LAMA2: variants seen among roughly 807,000 people sequenced by gnomAD.
LAMA2 encodes the protein laminin subunit alpha-2.
Under a neutral mutation model 364.8 loss-of-function variants are expected in LAMA2, and 269 were observed. The ratio of observed to expected loss-of-function variants is 0.74; its 90% CI spans 0.67 to 0.82. LAMA2 has a LOEUF of 0.82. Among genes scored for constraint, LAMA2 ranks in the 40% least tolerant of loss-of-function variants. The pLI is 0.00. For synonymous variants in LAMA2, 1,379 were observed against 1,370.6 expected, an observed-to-expected ratio of 1.01 and a Z score of -0.14; for missense variants, 3,807 against 3,873.2, an observed-to-expected ratio of 0.98 and a Z score of 0.45.
rs569129505 is a variant in LAMA2 at position 129,098,055 on chromosome 6, T to G, written c.397-118T>G. On this transcript the variant is annotated intron_variant, in intron 3 of 64. Transcript: ENST00000421865. ...AGTAAAATCATTTCAGAGAACATTA[T>G]AAGATTATAGAATAAAATCTGAAAT... The G allele has an allele frequency of 1.6e-4, 180 of 1,155,978 alleles. No individual in the cohort carries two copies. In the African/African-American group the frequency reaches 2.4e-3, roughly 15 times the overall value. The allele number at this position is 1,155,978 out of a possible 1,614,324, so 71.6% of individuals were successfully genotyped here.
At chr6:129,123,436 A>G (rs1013397533) in intron 4 of LAMA2, among the ~76,000 whole-genome samples, 1 of 152,126 alleles carries the variant, frequency 6.6e-6, no homozygotes, top group Non-Finnish European at 1.5e-5. Context: ...GCATTTCCGT[A>G]TTCATTTTAG....
chr6:128,970,163 A>T (rs1238629534), intron 1 of LAMA2, among the ~76,000 whole-genome samples: 3 of 152,210 alleles, frequency 2.0e-5, no homozygotes, highest in Non-Finnish European at 2.9e-5. Flanking sequence ...TTCTTATAAA[A>T]ATTGAAATTA....
chr6:129,081,639 A>T (rs1452890877), intron 3 of LAMA2, among the ~76,000 whole-genome samples: 2 of 152,160 alleles, frequency 1.3e-5, no homozygotes, highest in Non-Finnish European at 2.9e-5. Context: ...ATTTTGTCAA[A>T]ATCATTTCCA....
intron 10 of LAMA2, among the ~76,000 whole-genome samples, chr6:129,184,311 G>A (rs9492261): frequency 0.019 from 2,914 of 151,978 alleles, 112 homozygotes; most frequent in African/African-American, 0.066. Flanking sequence ...AATTACAGAT[G>A]TAGAATTTTT....
chr6:128,921,705 T>TG (rs1778735467), intron 1 of LAMA2, among the ~76,000 whole-genome samples: 2 of 126,472 alleles, frequency 1.6e-5, no homozygotes, highest in African/African-American at 5.8e-5. Flanking sequence ...CTGTTTTTTT[T>TG]TTTTTTTTAT....
At chr6:129,398,821 C>T (rs1373160122) in intron 37 of LAMA2, among the ~76,000 whole-genome samples, 1 of 152,152 alleles carries the variant, frequency 6.6e-6, no homozygotes, top group Non-Finnish European at 1.5e-5. Flanking sequence ...AACTCATCTA[C>T]ATACTAGAGA....
intron 1 of LAMA2, among the ~76,000 whole-genome samples, chr6:128,984,950 C>T (rs577922240): frequency 6.6e-5 from 10 of 152,182 alleles, no homozygotes; most frequent in Non-Finnish European, 1.2e-4. Context: ...CTTGCTCTTC[C>T]GTGTGGATTT....
chr6:128,919,276 A>G (rs73773557), intron 1 of LAMA2, among the ~76,000 whole-genome samples: 1,536 of 152,260 alleles, frequency 0.01, 31 homozygotes, highest in African/African-American at 0.035. Flanking sequence ...CTGTTCTCTC[A>G]ATATCAAGAG....
intron 2 of LAMA2, among the ~76,000 whole-genome samples, chr6:129,052,736 C>A (rs1788168840): frequency 6.6e-6 from 1 of 151,964 alleles, no homozygotes; most frequent in South Asian, 2.1e-4. Flanking sequence ...ATTAGAGTAT[C>A]ACGCAAAGTA....
chr6:129,504,480 G>A (rs1465256695), intron 60 of LAMA2, among the ~76,000 whole-genome samples: 1 of 152,100 alleles, frequency 6.6e-6, no homozygotes, highest in African/African-American at 2.4e-5. Flanking sequence ...CTCTAATCCT[G>A]ACCCAGACTC....
chr6:128,952,126 C>T (rs1359135463), intron 1 of LAMA2, among the ~76,000 whole-genome samples: 1 of 152,088 alleles, frequency 6.6e-6, no homozygotes, highest in East Asian at 1.9e-4. Context: ...ATGATCTTGC[C>T]ACTGTGCTCC....
chr6:129,232,235 T>G (rs1784710339), intron 12 of LAMA2, among the ~76,000 whole-genome samples: 1 of 152,124 alleles, frequency 6.6e-6, no homozygotes, highest in African/African-American at 2.4e-5. Context: ...ATTTTGGAGT[T>G]TAACTCTTAC....
chr6:128,997,259 T>A (rs1303148752), intron 1 of LAMA2, among the ~76,000 whole-genome samples: 1 of 149,510 alleles, frequency 6.7e-6, no homozygotes, highest in East Asian at 2.0e-4. Flanking sequence ...ATTTTGCACA[T>A]GTATCCCAGA....
At chr6:128,931,836 T>A (rs1779500798) in intron 1 of LAMA2, among the ~76,000 whole-genome samples, 1 of 152,236 alleles carries the variant, frequency 6.6e-6, no homozygotes, top group Non-Finnish European at 1.5e-5. Context: ...ACAGAATTGT[T>A]ACTTTTAAAC....
intron 1 of LAMA2, among the ~76,000 whole-genome samples, chr6:128,995,583 C>G (rs1783883080): frequency 6.6e-6 from 1 of 152,180 alleles, no homozygotes; most frequent in Non-Finnish European, 1.5e-5. Context: ...CTTGGCCTTC[C>G]AAAGTGCTGG....
At chr6:128,964,623 T>G (rs1342504287) in intron 1 of LAMA2, among the ~76,000 whole-genome samples, 1 of 152,096 alleles carries the variant, frequency 6.6e-6, no homozygotes, top group African/African-American at 2.4e-5. Flanking sequence ...AAGCAACATG[T>G]TATAGCCTAA....
At chr6:129,410,698 A>G (rs1780491153) in intron 40 of LAMA2, among the ~76,000 whole-genome samples, 2 of 151,604 alleles carry the variant, frequency 1.3e-5, no homozygotes, top group Admixed American at 6.6e-5. Context: ...TAGATGATAG[A>G]TGGATGATAG....
rs2114461316 is a variant in LAMA2, at chr6:129,300,877, G to A, written c.3174+5G>A. 1 of 1,613,672 alleles carries A rather than the reference G, an allele frequency of 6.2e-7. No homozygotes were observed. The highest frequency in any genetic ancestry group is 8.5e-7 in the Non-Finnish European group (1 of 1,179,630). On this transcript the variant is annotated splice_donor_5th_base_variant and intron_variant, in intron 22 of 64. Transcript: ENST00000421865. ...AGCATTACCACTGGTTGTAAGGTGA[G>A]TGAACCACTTTTTTGCTCTGATAAT...
chr6:129,039,296 T>G (rs900038278), intron 1 of LAMA2, among the ~76,000 whole-genome samples: 6 of 152,206 alleles, frequency 3.9e-5, no homozygotes. Context: ...GAGAACATTC[T>G]TTGTTGAAGG....
Sources: allele counts gnomAD v4.1 joint callset (sites outside exome capture counted in the v4.1 genomes callset), GRCh38; gene constraint gnomAD v4.1.1; transcripts MANE v1.5; gene names NCBI Gene and HGNC (gene_info 2026-07-23, HGNC 2026-07-21).